CFAP47: variants seen among roughly 807,000 people sequenced by gnomAD.
CFAP47 encodes the protein cilia and flagella associated protein 47, also known as cilia- and flagella-associated protein 47.
In CFAP47, 29 loss-of-function variants were observed where a neutral mutation model predicts 148.1. That is an observed-to-expected ratio of 0.20 (90% CI 0.15 to 0.27). The LOEUF is 0.27. CFAP47 is among the 10% of genes least tolerant of loss of function. The pLI is 1.00. For missense variants in CFAP47, 1,872 were observed against 1,697.5 expected (o/e 1.10, Z -1.81); for synonymous variants, 664 against 577.3 (o/e 1.15, Z -2.15).
intron 45 of CFAP47, among the ~76,000 whole-genome samples, chrX:36,216,686 G>A (rs782649048): frequency 1.3e-4 from 15 of 111,507 alleles, no homozygotes; most frequent in Non-Finnish European, 2.8e-4. Context: ...GGAGAAGTGG[G>A]GATTGCTTAT....
intron 15 of CFAP47, among the ~76,000 whole-genome samples, chrX:35,982,132 G>A (rs1385363806): frequency 1.8e-5 from 2 of 111,819 alleles, no homozygotes; most frequent in African/African-American, 3.2e-5. Context: ...ACTCCAACCA[G>A]CAGTGCATAA....
At chrX:36,207,606 C>G (rs1418324201) in intron 45 of CFAP47, among the ~76,000 whole-genome samples, 1 of 111,055 alleles carries the variant, frequency 9.0e-6, no homozygotes, top group African/African-American at 3.3e-5. Context: ...CTTTTTTGAC[C>G]CCCTTTCCTA....
intron 2 of CFAP47, among the ~76,000 whole-genome samples, chrX:35,940,283 G>C (rs1484276977): frequency 1.8e-5 from 2 of 111,348 alleles, no homozygotes; most frequent in Non-Finnish European, 3.8e-5. Flanking sequence ...CTGCTGTGCA[G>C]AAGCTCTTGA....
chrX:36,169,132 C>CAGCT (rs1357682394), intron 39 of CFAP47, among the ~76,000 whole-genome samples: 9 of 110,797 alleles, frequency 8.1e-5, no homozygotes, highest in African/African-American at 2.6e-4. Flanking sequence ...GATGGAAAGT[C>CAGCT]AGCTGTTAAT....
intron 48 of CFAP47, among the ~76,000 whole-genome samples, chrX:36,237,355 A>AT (rs1233370590): frequency 2.9e-4 from 32 of 110,467 alleles, no homozygotes; most frequent in African/African-American, 1.0e-3. Context: ...ATTTTATTTT[A>AT]TTTTTTGTCT....
intron 49 of CFAP47, among the ~76,000 whole-genome samples, chrX:36,265,549 C>A (rs781806739): frequency 2.6e-4 from 29 of 111,584 alleles, no homozygotes; most frequent in Admixed American, 5.7e-4. Context: ...ATTTGTTGTA[C>A]ATGGTTCTTA....
chrX:36,346,574 AG>A (rs1422624585), intron 57 of CFAP47, among the ~76,000 whole-genome samples: 3 of 111,682 alleles, frequency 2.7e-5, no homozygotes, highest in Admixed American at 9.6e-5. Flanking sequence ...GGCTCTAAGC[AG>A]AGACTTGCAC....
intron 40 of CFAP47, among the ~76,000 whole-genome samples, chrX:36,183,498 A>C (rs1195638134): frequency 1.8e-5 from 2 of 111,771 alleles, no homozygotes; most frequent in East Asian, 5.6e-4. Context: ...ACTCCTCCTC[A>C]GATTCACATC....
chrX:36,367,895 G>A (rs1305003397), intron 62 of CFAP47: 2 of 111,358 alleles, frequency 1.8e-5, no homozygotes, highest in Non-Finnish European at 3.8e-5. Context: ...CTTATCTGAA[G>A]TTCAGTAGTT....
intron 4 of CFAP47, among the ~76,000 whole-genome samples, chrX:35,950,454 C>T (rs1032472532): frequency 2.7e-5 from 3 of 111,631 alleles, no homozygotes; most frequent in Non-Finnish European, 5.6e-5. Flanking sequence ...CAGCCATGAC[C>T]TCCCATGCTC....
intron 21 of CFAP47, among the ~76,000 whole-genome samples, chrX:36,011,224 C>T (rs1937035636): frequency 8.9e-6 from 1 of 112,017 alleles, no homozygotes; most frequent in African/African-American, 3.2e-5. Context: ...AACAAAAACA[C>T]CTATCATAGT....
chrX:36,316,827 G>A (rs782019588), intron 56 of CFAP47, among the ~76,000 whole-genome samples: 25 of 112,070 alleles, frequency 2.2e-4, no homozygotes, highest in Admixed American at 4.7e-4. Context: ...ACTTGGTCCC[G>A]TAGGCTAGAG....
At chrX:36,096,309 A>G (rs933472101) in intron 30 of CFAP47, among the ~76,000 whole-genome samples, 5 of 111,385 alleles carry the variant, frequency 4.5e-5, no homozygotes, top group African/African-American at 1.3e-4. Context: ...GCTGAGGAAA[A>G]CAGTAGGTAT....
rs782281032 is a variant in CFAP47 at position 36,291,778 on chromosome X, A to C, written c.7686+6052A>C. Reference sequence around the variant, plus strand: ...AAACACTCTTCAAAATGGCTGGCCTACATGGTCATTCAGAGTTAGCATTTT... The same window carrying C: ...AAACACTCTTCAAAATGGCTGGCCTCCATGGTCATTCAGAGTTAGCATTTT... On this transcript the variant is annotated intron_variant, in intron 51 of 63. Transcript: ENST00000378653. 9.0e-5 allele frequency among the ~76,000 whole-genome samples: 10 copies of C among 111,436 alleles called. No individual in the cohort carries two copies. In the South Asian group the frequency reaches 3.0e-3, roughly 34 times the overall value.
At position 36,193,591 on chromosome X, in the gene CFAP47, T is replaced by C. The variant is rs372967800; in HGVS notation, c.6321+3395T>C. ...AAACATAGGCAAGATGAAATCCCAT[T>C]TGGCCTATAATTGCTTTGAAGCATT... On this transcript the variant is annotated intron_variant, in intron 42 of 63. Transcript: ENST00000378653. Among the ~76,000 whole-genome samples the C allele has an allele frequency of 8.1e-5, 9 of 111,198 alleles. No individual in the cohort carries two copies. The East Asian group carries it at 2.6e-3, about 32-fold the overall frequency.
intron 45 of CFAP47, among the ~76,000 whole-genome samples, chrX:36,206,493 A>T (rs1940040230): frequency 8.9e-6 from 1 of 111,911 alleles, no homozygotes; most frequent in Non-Finnish European, 1.9e-5. Flanking sequence ...ACAGATAAGT[A>T]GCTCTTATAA....
chrX:35,934,134 G>A (rs754717996), intron 2 of CFAP47, among the ~76,000 whole-genome samples: 1 of 111,076 alleles, frequency 9.0e-6, no homozygotes, highest in African/African-American at 3.3e-5. Context: ...TGCTACTCAA[G>A]AAATCTATGC....
intron 36 of CFAP47, among the ~76,000 whole-genome samples, chrX:36,146,927 G>A (rs946325708): frequency 3.6e-5 from 4 of 110,510 alleles, no homozygotes; most frequent in African/African-American, 1.3e-4. Context: ...GAGTACAGGT[G>A]CCTGCCACCA....
chrX:36,042,186 G>A (rs1401767204), intron 25 of CFAP47, among the ~76,000 whole-genome samples: 1 of 111,161 alleles, frequency 9.0e-6, no homozygotes, highest in Non-Finnish European at 1.9e-5. Flanking sequence ...CATAAGCCTA[G>A]AGCAAATATT....
Sources: allele counts gnomAD v4.1 joint callset (sites outside exome capture counted in the v4.1 genomes callset), GRCh38; gene constraint gnomAD v4.1.1; transcripts MANE v1.5; gene names NCBI Gene and HGNC (gene_info 2026-07-23, HGNC 2026-07-21).